Variants in NUP214 observed in about 807,000 individuals in gnomAD.
NUP214 encodes the protein nucleoporin 214, also known as nuclear pore complex protein Nup214.
NUP214 carries 79 observed loss-of-function variants against 196.2 expected under a neutral mutation model. That is an observed-to-expected ratio of 0.40 (90% CI 0.34 to 0.49). The LOEUF is 0.49. Among genes scored for constraint, NUP214 ranks in the 20% least tolerant of loss-of-function variants. The probability of loss-of-function intolerance (pLI) is 0.58; values close to 1 mark genes in which losing one functional copy is unlikely to be tolerated. For synonymous variants in NUP214, 1,020 were observed against 990.5 expected (o/e 1.03, Z -0.56); for missense variants, 2,468 against 2,539.0 (o/e 0.97, Z 0.60).
chr9:131,163,964 A>G lies in NUP214; in HGVS notation c.2809+9A>G. The G allele has an allele frequency of 1.2e-6, 2 of 1,613,810 alleles. No individual in the cohort carries two copies. Among genetic ancestry groups the G allele is most frequent in the Non-Finnish European group, 1.7e-6 (2 of 1,179,706 alleles). The stretch of plus-strand genomic sequence containing the variant: ...CTTGCCCAAAGTACCAGGTAATTGC[A>G]TCCTTCCCAGTCTTTTAACTCCCTT... On this transcript the variant is annotated intron_variant, in intron 20 of 35. Coordinates refer to ENST00000359428, the MANE Select transcript of NUP214 (RefSeq NM_005085.4).
intron 23 of NUP214, among the ~76,000 whole-genome samples, chr9:131,176,419 C>T (rs1290936446): frequency 6.6e-6 from 1 of 151,780 alleles, no homozygotes; most frequent in Non-Finnish European, 1.5e-5. Context: ...CGTGATCTCC[C>T]GAACCCAGGT....
Position 131,232,161 on chromosome 9 carries a change from G to A in NUP214, c.6215-123G>A. ...TGTGTACCTTTCCTGCCTTCCTGTA[G>A]GTGGTGGAGGCACGGAGGGCTTCCC... On this transcript the variant is annotated intron_variant, in intron 34 of 35. Coordinates refer to ENST00000359428, the MANE Select transcript of NUP214 (RefSeq NM_005085.4). This position sits in a 1 kb window ranked among gnomAD's most constrained non-coding sequence, Gnocchi z 5.1. 1 of 920,774 alleles carries A rather than the reference G, an allele frequency of 1.1e-6. No individual in the cohort carries two copies. The allele number at this position is 920,774 out of a possible 1,614,324, so 57.0% of individuals were successfully genotyped here.
chr9:131,126,850 A>G (rs899184471), intron 1 of NUP214: 1 of 152,156 alleles, frequency 6.6e-6, no homozygotes, highest in Non-Finnish European at 1.5e-5. Context: ...GTGCTGTCCT[A>G]GAATAGTGAT....
intron 4 of NUP214, among the ~76,000 whole-genome samples, chr9:131,130,161 T>TTTTTTG (rs1554728091): frequency 7.3e-6 from 1 of 136,412 alleles, no homozygotes; most frequent in Non-Finnish European, 1.6e-5. Flanking sequence ...GTTTTTTTTT[T>TTTTTTG]GAGACAGAGT....
At chr9:131,190,192 C>T (rs1035332736) in intron 26 of NUP214, 12 of 389,164 alleles carry the variant, frequency 3.1e-5, no homozygotes, top group Admixed American at 4.6e-5. Context: ...ACTTCTCGAC[C>T]GGGGCCTAAA....
chr9:131,178,393 C>A lies in NUP214; in HGVS notation c.3402C>A (p.Thr1134=), dbSNP rs932022142. The A allele has an allele frequency of 1.1e-5, 18 of 1,612,528 alleles. No homozygotes were observed. Among genetic ancestry groups the A allele is most frequent in the Non-Finnish European group, 1.5e-5 (18 of 1,178,824 alleles). The change falls in exon 24 of 36, where the codon ACC becomes ACA. Residue 1134 remains threonine, a synonymous_variant. Coordinates refer to ENST00000359428, the MANE Select transcript of NUP214 (RefSeq NM_005085.4). Reference sequence around the variant, plus strand: ...AGGAATTGAAGAATAACCCTGCAACCCCTTCTACAGCCATGGGGTATGTTC... The same window carrying A: ...AGGAATTGAAGAATAACCCTGCAACACCTTCTACAGCCATGGGGTATGTTC... The part of the protein sequence containing the change: ...NVQELKNNPA[T]PSTAMGSSVP...
chr9:131,128,726 A>G, intron 3 of NUP214: 1 of 421,962 alleles, frequency 2.4e-6, no homozygotes, highest in Non-Finnish European at 4.2e-6. Flanking sequence ...ACTTGCCCAA[A>G]GTCATAGATG....
At position 131,197,904 on chromosome 9, in the gene NUP214, A is replaced by G. The variant is rs541069703; in HGVS notation, c.4410A>G (p.Thr1470=). ...AATPLPTSFP[T]LSFGSLLSSA... is the part of the protein sequence containing the mutation. The stretch of plus-strand genomic sequence containing the variant: ...CTCCCCTTCCAACATCATTCCCCAC[A>G]TTGTCATTTGGTAGCCTCCTGAGTT... The change falls in exon 29 of 36, where the codon ACA becomes ACG. Residue 1470 remains threonine, a synonymous_variant. Coordinates refer to ENST00000359428, the MANE Select transcript of NUP214 (RefSeq NM_005085.4). 7.4e-6 allele frequency: 12 copies of G among 1,613,532 alleles called. No homozygotes were observed. Among genetic ancestry groups the G allele is most frequent in the East Asian group, 6.7e-5 (3 of 44,862 alleles).
intron 26 of NUP214, chr9:131,191,895 TAA>T (rs976161378): frequency 1.3e-4 from 26 of 197,370 alleles, no homozygotes; most frequent in South Asian, 1.1e-3. Context: ...TTGAAATATA[TAA>T]GAGTGTACTT....
In NUP214 at chr9:131,233,515, T is replaced by G. The variant is rs755076846; in HGVS notation, c.*28T>G. On this transcript the variant is annotated 3_prime_UTR_variant, in exon 36 of 36. Transcript: ENST00000359428. ...GCGTGTCAGCAGGCCTTTCGATCCC[T>G]GGGACCAACCGCATCCTCAGCTTCT... 8.7e-6 allele frequency: 14 copies of G among 1,613,282 alleles called. No individual in the cohort carries two copies. Among genetic ancestry groups the G allele is most frequent in the East Asian group, 4.5e-5 (2 of 44,880 alleles).
At chr9:131,179,458 C>G (rs1833206157) in intron 24 of NUP214, among the ~76,000 whole-genome samples, 2 of 152,194 alleles carry the variant, frequency 1.3e-5, no homozygotes, top group African/African-American at 4.8e-5. Context: ...TCCCCTGTGG[C>G]AAAGGGAAGA....
intron 17 of NUP214, among the ~76,000 whole-genome samples, chr9:131,157,000 A>G (rs544297082): frequency 2.0e-5 from 3 of 151,960 alleles, no homozygotes; most frequent in Admixed American, 6.6e-5. Context: ...GAGTTTTGCT[A>G]TGTAGCCCAG....
At position 131,222,865 on chromosome 9, in the gene NUP214, C is replaced by G. The variant is rs1200318606; in HGVS notation, c.5837C>G (p.Thr1946Ser). 5 of 1,614,104 alleles carry G rather than the reference C, an allele frequency of 3.1e-6. No individual in the cohort carries two copies. The highest frequency in any genetic ancestry group is 4.2e-6 in the Non-Finnish European group (5 of 1,180,050). The change falls in exon 32 of 36, where the codon ACT becomes AGT. Residue 1946 changes from threonine (T) to serine (S), a missense_variant. This residue lies in a region of NUP214 where 262 missense variants were observed against 296.5 expected (regional missense o/e 0.88). Transcript: ENST00000359428. ...TTTGGAGAGCAGAAACCCACTGGCACTTTCAGCTCTGGAGGAGGAAGTGTG... is the reference window on the plus strand; with the variant it reads ...TTTGGAGAGCAGAAACCCACTGGCAGTTTCAGCTCTGGAGGAGGAAGTGTG... ...SSFGEQKPTG[T>S]FSSGGGSVAS... is the part of the protein sequence containing the mutation.
In NUP214 at chr9:131,138,606, T is replaced by C. The variant is rs572793145; in HGVS notation, c.1006-675T>C. Among the ~76,000 whole-genome samples the C allele has an allele frequency of 4.2e-4, 64 of 152,310 alleles. 2 individuals carry two copies. The South Asian group carries it at 0.013, about 31-fold the overall frequency. ...CACTGAAAGTTAGGCAAAATGTTAG[T>C]GATTTTAAAAACCAAGAGTCATTTG... is the stretch of plus-strand genomic sequence containing the variant. On this transcript the variant is annotated intron_variant, in intron 9 of 35. Coordinates refer to ENST00000359428, the MANE Select transcript of NUP214 (RefSeq NM_005085.4).
chr9:131,198,990 T>A lies in NUP214; in HGVS notation c.5496T>A (p.Ser1832=), dbSNP rs1833874375. ...CTGCCACCACAACAGCAGCAACCTCTGGGTTCAGCTTTTGCCAAGCTTCAG... is the reference window on the plus strand; with the variant it reads ...CTGCCACCACAACAGCAGCAACCTCAGGGTTCAGCTTTTGCCAAGCTTCAG... The part of the protein sequence containing the change: ...TSAATTTAAT[S]GFSFCQASGF... Residue 1832 remains serine, a synonymous_variant, in exon 29 of 36, where the codon TCT becomes TCA. Transcript: ENST00000359428. 2 of 1,601,652 alleles carry A rather than the reference T, an allele frequency of 1.2e-6. No homozygotes were observed. Among genetic ancestry groups the A allele is most frequent in the Non-Finnish European group, 1.7e-6 (2 of 1,172,500 alleles).
At position 131,178,386 on chromosome 9, in the gene NUP214, C is replaced by T. The variant is rs1311502646; in HGVS notation, c.3395C>T (p.Pro1132Leu). The change falls in exon 24 of 36, where the codon CCT becomes CTT. Residue 1132 changes from proline (P) to leucine (L), a missense_variant. Pro to Leu is a moderately conservative substitution (Grantham distance 98, BLOSUM62 -3). Around this residue, in one of 5 missense-constraint regions of NUP214, gnomAD observed 1,801 missense variants for 1,779.4 expected, o/e 1.01. Transcript: ENST00000359428. ...AATGTGCAGGAATTGAAGAATAACCCTGCAACCCCTTCTACAGCCATGGGG... is the reference window on the plus strand; with the variant it reads ...AATGTGCAGGAATTGAAGAATAACCTTGCAACCCCTTCTACAGCCATGGGG... ...VVNVQELKNN[P>L]ATPSTAMGSS... 6 of 1,613,566 alleles carry T rather than the reference C, an allele frequency of 3.7e-6. No homozygotes were observed. Among genetic ancestry groups the T allele is most frequent in the Non-Finnish European group, 5.1e-6 (6 of 1,179,542 alleles).
Position 131,232,206 on chromosome 9 carries a change from G to A in NUP214, c.6215-78G>A. On this transcript the variant is annotated intron_variant, in intron 34 of 35. Coordinates refer to ENST00000359428, the MANE Select transcript of NUP214 (RefSeq NM_005085.4). This position sits in a 1 kb window ranked among gnomAD's most constrained non-coding sequence, Gnocchi z 5.1. ...CTTCCCACAAGAAGCACAGAGGAGG[G>A]CAGACACTTAGCATGGGGACCACCT... 1 of 1,493,066 alleles carries A rather than the reference G, an allele frequency of 6.7e-7. No individual in the cohort carries two copies. Among genetic ancestry groups the A allele is most frequent in the Non-Finnish European group, 9.3e-7 (1 of 1,069,538 alleles). The allele number at this position is 1,493,066 out of a possible 1,614,324, so 92.5% of individuals were successfully genotyped here. A position where few individuals can be genotyped will look rare whatever the true frequency, so the allele number is the denominator to read the frequency against.
chr9:131,192,169 C>CTTTTTTTTTTTTTTT lies in NUP214; in HGVS notation c.3575-27_3575-13dup, dbSNP rs66652901. On this transcript the variant is annotated intron_variant, in intron 26 of 35. Transcript: ENST00000359428. The stretch of plus-strand genomic sequence containing the variant: ...AGTGTTTCTGTCTTTTTGTAATATT[C>CTTTTTTTTTTTTTTT]TTTTTTTTTTTTTTTTTTTTTTTTT... The CTTTTTTTTTTTTTTT allele has an allele frequency of 2.5e-5, 11 of 447,486 alleles. 2 individuals carry two copies. Among genetic ancestry groups the CTTTTTTTTTTTTTTT allele is most frequent in the South Asian group, 9.4e-5 (3 of 31,976 alleles). 27.7% of individuals were successfully genotyped at this position (447,486 alleles called of 1,614,324 possible).
At chr9:131,210,413 A>G (rs543551944) in intron 30 of NUP214, among the ~76,000 whole-genome samples, 8 of 152,306 alleles carry the variant, frequency 5.3e-5, no homozygotes, top group African/African-American at 1.9e-4. Context: ...GCGGATCACG[A>G]GGTCAGGAGT....
Sources: allele counts gnomAD v4.1 joint callset (sites outside exome capture counted in the v4.1 genomes callset), GRCh38; gene constraint gnomAD v4.1.1; regional missense constraint gnomAD v4.1.1; non-coding constraint Gnocchi (gnomAD v3.1); transcripts MANE v1.5; gene names NCBI Gene and HGNC (gene_info 2026-07-23, HGNC 2026-07-21).